The following HEATR4 variants were observed in gnomAD, a reference collection of about 807,000 sequenced individuals.
HEATR4 encodes HEAT repeat-containing protein 4.
HEATR4 carries 95 observed loss-of-function variants against 108.8 expected under a neutral mutation model. The observed-to-expected ratio is 0.87, with a 90% CI of 0.74 to 1.04. HEATR4 has a LOEUF of 1.04. Among genes scored for constraint, HEATR4 ranks in the 50% least tolerant of loss-of-function variants. HEATR4 has a pLI of 0.00. For missense variants in HEATR4, 1,152 were observed against 1,253.8 expected, an observed-to-expected ratio of 0.92 and a Z score of 1.23; for synonymous variants, 443 against 459.4, an observed-to-expected ratio of 0.96 and a Z score of 0.46.
the HEATR4 span, chr14:73,617,330 G>A: frequency 4.9e-6 from 6 of 1,220,078 alleles, no homozygotes; most frequent in African/African-American, 7.6e-5. Flanking sequence ...TTACTAGGGT[G>A]GAAGCTGGGC....
At chr14:73,585,830 T>G in the HEATR4 span, among the ~76,000 whole-genome samples, 1 of 144,620 alleles carries the variant, frequency 6.9e-6, no homozygotes, top group South Asian at 2.2e-4. Flanking sequence ...CTTTTTTTTT[T>G]TTTTTTTGAG....
chr14:73,507,934 G>A (rs1469279479), intron 9 of HEATR4, among the ~76,000 whole-genome samples, 200 bp downstream of exon 9: 7 of 152,058 alleles, frequency 4.6e-5, no homozygotes, highest in African/African-American at 1.7e-4. Flanking sequence ...TAGTAGAGAT[G>A]AGGTTTCACC....
intron 16 of HEATR4, among the ~76,000 whole-genome samples, chr14:73,495,008 A>G (rs1886018012): frequency 6.8e-6 from 1 of 146,348 alleles, no homozygotes; most frequent in Non-Finnish European, 1.5e-5. Context: ...AAATAGAGAT[A>G]ACTTTTTTTT....
chr14:73,515,115 AATGTTTTTC>A (rs1231115662), intron 5 of HEATR4, among the ~76,000 whole-genome samples: 1 of 152,032 alleles, frequency 6.6e-6, no homozygotes, highest in Non-Finnish European at 1.5e-5. Flanking sequence ...TTCTGAACTT[AATGTTTTTC>A]ATGGTGTCAA....
At chr14:73,601,107 C>T in the HEATR4 span, among the ~76,000 whole-genome samples, 1 of 152,000 alleles carries the variant, frequency 6.6e-6, no homozygotes, top group Admixed American at 6.6e-5. Flanking sequence ...TACCACTGCA[C>T]TCCAGCCTGG....
chr14:73,564,429 AC>A, the HEATR4 span, among the ~76,000 whole-genome samples: 1 of 151,616 alleles, frequency 6.6e-6, no homozygotes, highest in African/African-American at 2.4e-5. Context: ...ACATAGGGAG[AC>A]CCCGTCTGTA....
chr14:73,626,789 C>CTTTTTTTTTTTTTTTTTTTTTTTTTTTTT, the HEATR4 span, among the ~76,000 whole-genome samples: 1 of 82,358 alleles, frequency 1.2e-5, no homozygotes, highest in African/African-American at 6.2e-5. Context: ...GACAAACAGC[C>CTTTTTTTTTTTTTTTTTTTTTTTTTTTTT]TTTTTTTTTT....
chr14:73,512,819 C>T (rs1275917937), intron 6 of HEATR4, among the ~76,000 whole-genome samples: 1 of 152,096 alleles, frequency 6.6e-6, no homozygotes, highest in African/African-American at 2.4e-5. Context: ...TTCCTTCAGT[C>T]TTTTTTGTTA....
the HEATR4 span, among the ~76,000 whole-genome samples, chr14:73,598,483 G>A: frequency 8.5e-5 from 13 of 152,078 alleles, no homozygotes; most frequent in African/African-American, 2.4e-4. Flanking sequence ...AGAGTAGAGC[G>A]GCAGTGACTT....
At chr14:73,561,861 T>G (rs568288054), upstream of HEATR4, among the ~76,000 whole-genome samples, 1 of 152,172 alleles carries the variant, frequency 6.6e-6, no homozygotes, top group Admixed American at 6.6e-5. Context: ...GGCACGTGCT[T>G]GTCGTCCCAG....
At chr14:73,491,485 G>T (rs1259145777) in intron 17 of HEATR4, 4 of 1,499,550 alleles carry the variant, frequency 2.7e-6, no homozygotes, top group Non-Finnish European at 3.5e-6. Flanking sequence ...AACACTTAGC[G>T]GCCGTCCAGT....
the HEATR4 span, among the ~76,000 whole-genome samples, chr14:73,607,203 G>A: frequency 8.5e-5 from 13 of 152,156 alleles, no homozygotes; most frequent in Admixed American, 3.9e-4. Flanking sequence ...CCAGCTACTC[G>A]GGAGGCTGAC....
chr14:73,611,986 G>A, the HEATR4 span, among the ~76,000 whole-genome samples: 3 of 151,870 alleles, frequency 2.0e-5, no homozygotes, highest in African/African-American at 7.3e-5. Flanking sequence ...GCTCTCAGTG[G>A]TTTTTGTGCC....
intron 17 of HEATR4, chr14:73,491,725 C>G: frequency 6.4e-7 from 1 of 1,552,286 alleles, no homozygotes; most frequent in Non-Finnish European, 8.7e-7. Context: ...AGGACCACAC[C>G]TACTACCAGG....
rs773778823 is a variant in HEATR4 at position 73,519,075 on chromosome 14, C to G, written c.1158G>C (p.Lys386Asn). ...ACTTTTCTGGAGTTTCAGGGAAGAC[C>G]TTAGATAGCTGCTTGTTGTACCGAT... ...NLNRYNKQLS[K>N]VFPETPEKWS... Residue 386 changes from lysine to asparagine, a missense_variant, in exon 5 of 18, where the codon AAG becomes AAC. Coordinates refer to ENST00000553558, the MANE Select transcript of HEATR4 (RefSeq NM_001220484.1). 1 of 1,613,986 alleles carries G rather than the reference C, an allele frequency of 6.2e-7. No homozygotes were observed. The highest frequency in any genetic ancestry group is 8.5e-7 in the Non-Finnish European group (1 of 1,179,962).
chr14:73,565,261 T>C, the HEATR4 span, among the ~76,000 whole-genome samples: 7 of 152,228 alleles, frequency 4.6e-5, no homozygotes, highest in African/African-American at 1.7e-4. Context: ...TATACATTCA[T>C]CAATATATGA....
At chr14:73,578,863 G>A in the HEATR4 span, among the ~76,000 whole-genome samples, 1 of 151,796 alleles carries the variant, frequency 6.6e-6, no homozygotes, top group Non-Finnish European at 1.5e-5. Flanking sequence ...ATGGTGGGCA[G>A]TCACGAGGTC....
At chr14:73,612,995 G>C in the HEATR4 span, 1 of 1,022,782 alleles carries the variant, frequency 9.8e-7, no homozygotes, top group African/African-American at 1.7e-5. Flanking sequence ...GGTGCGCGCG[G>C]GCCCGGTGCG....
chr14:73,588,296 G>A, the HEATR4 span, among the ~76,000 whole-genome samples: 17 of 151,888 alleles, frequency 1.1e-4, no homozygotes, highest in Non-Finnish European at 2.4e-4. Context: ...CACCGAGCCC[G>A]GCCTATCTCT....
Sources: allele counts gnomAD v4.1 joint callset (sites outside exome capture counted in the v4.1 genomes callset), GRCh38; gene constraint gnomAD v4.1.1; transcripts MANE v1.5; gene names NCBI Gene and HGNC (gene_info 2026-07-23, HGNC 2026-07-21).